NDUFA10: variants seen among roughly 807,000 people sequenced by gnomAD.
NDUFA10 encodes NADH:ubiquinone oxidoreductase subunit A10.
In NDUFA10, 40 loss-of-function variants were observed where a neutral mutation model predicts 47.8. The observed-to-expected ratio is 0.84, with a 90% CI of 0.65 to 1.09. The LOEUF is 1.09. Ranked by LOEUF, NDUFA10 falls within the 50% of genes least tolerant of loss-of-function variation. NDUFA10 has a pLI of 0.00. For missense variants in NDUFA10, 413 were observed against 451.1 expected (o/e 0.92, Z 0.76); for synonymous variants, 183 against 172.2 (o/e 1.06, Z -0.49).
At chr2:239,927,590 G>A (rs1327288931) in intron 4 of NDUFA10, among the ~76,000 whole-genome samples, 3 of 152,222 alleles carry the variant, frequency 2.0e-5, no homozygotes, top group Non-Finnish European at 4.4e-5. Flanking sequence ...CCTGGAGGGG[G>A]CTCAAGGGCA....
At chr2:239,912,453 C>T (rs1350796860) in intron 4 of NDUFA10, among the ~76,000 whole-genome samples, 1 of 152,234 alleles carries the variant, frequency 6.6e-6, no homozygotes. Flanking sequence ...AGAAAAGACA[C>T]ACTTGTACCC....
intron 8 of NDUFA10, among the ~76,000 whole-genome samples, chr2:239,992,376 AAT>A (rs1456859199): frequency 1.3e-5 from 2 of 152,240 alleles, no homozygotes; most frequent in African/African-American, 2.4e-5. Flanking sequence ...TAAAATTGTA[AAT>A]AGTGTTTTAT....
intron 4 of NDUFA10, among the ~76,000 whole-genome samples, chr2:239,914,814 AACACACACATACAT>A (rs1349977973): frequency 4.0e-5 from 6 of 148,646 alleles, no homozygotes; most frequent in Non-Finnish European, 7.4e-5. Flanking sequence ...ACACACACAG[AACACACACATACAT>A]ACACACACAC....
Position 240,024,792 on chromosome 2 carries a change from A to C in NDUFA10, c.75+435T>G, listed in dbSNP as rs1378720668. ...GAGTAGTCAGTCAGAGTAAAGGCAA[A>C]AGGAAGCGGACACAAGCACTGAACT... On this transcript the variant is annotated intron_variant, in intron 1 of 9. Transcript: ENST00000252711. Among the ~76,000 whole-genome samples, 6 of 152,228 alleles carry C rather than the reference A, an allele frequency of 3.9e-5. No individual in the cohort carries two copies. The East Asian group carries it at 1.2e-3, about 29-fold the overall frequency.
At chr2:239,926,208 T>C (rs1210010277) in intron 4 of NDUFA10, among the ~76,000 whole-genome samples, 1 of 152,252 alleles carries the variant, frequency 6.6e-6, no homozygotes, top group Non-Finnish European at 1.5e-5. Context: ...TCATAGCGGC[T>C]TTATTCATAA....
intron 4 of NDUFA10, among the ~76,000 whole-genome samples, chr2:239,927,521 A>G (rs1470536577): frequency 6.6e-6 from 1 of 152,204 alleles, no homozygotes; most frequent in African/African-American, 2.4e-5. Flanking sequence ...CTAACGGTGC[A>G]GTCCTCAGGA....
At chr2:239,908,068 C>T (rs1693687619) in intron 4 of NDUFA10, among the ~76,000 whole-genome samples, 1 of 151,986 alleles carries the variant, frequency 6.6e-6, no homozygotes, top group Non-Finnish European at 1.5e-5. Context: ...TATGCAGCCA[C>T]AAAAAAGGAT....
intron 8 of NDUFA10, among the ~76,000 whole-genome samples, 160 bp downstream of exon 8, chr2:240,005,050 C>G (rs1696890377): frequency 6.6e-6 from 1 of 152,144 alleles, no homozygotes; most frequent in South Asian, 2.1e-4. Flanking sequence ...AGTATCAGAC[C>G]AGGGGATTCA....
rs145769282 is a variant in NDUFA10, at chr2:239,898,168, C to T, written c.295-2854G>A. Among the ~76,000 whole-genome samples, 109 of 152,278 alleles carry T rather than the reference C, an allele frequency of 7.2e-4. No homozygotes were observed. In the Middle Eastern group the frequency reaches 0.01, roughly 14 times the overall value. On this transcript the variant is annotated intron_variant, in intron 4 of 5. Transcript: ENST00000419408. The stretch of plus-strand genomic sequence containing the variant: ...ATGGAGTCAGGACTGTTCAGGGTTA[C>T]GCAGTCATGGGCATTTCTCCTCCAC...
intron 4 of NDUFA10, among the ~76,000 whole-genome samples, chr2:239,921,667 C>T (rs1693985628): frequency 7.4e-6 from 1 of 134,358 alleles, no homozygotes; most frequent in East Asian, 2.4e-4. Flanking sequence ...TACTACAGAG[C>T]ACTGATTGGC....
At chr2:240,011,217 T>C (rs1697124204) in intron 6 of NDUFA10, among the ~76,000 whole-genome samples, 1 of 152,246 alleles carries the variant, frequency 6.6e-6, no homozygotes, top group Admixed American at 6.5e-5. Context: ...CTAGAGAAAG[T>C]GTTATCTTTC....
intron 9 of NDUFA10, among the ~76,000 whole-genome samples, chr2:239,968,004 A>ACACG (rs1695149083): frequency 6.6e-6 from 1 of 151,608 alleles, no homozygotes; most frequent in African/African-American, 2.4e-5. Flanking sequence ...ACACACACAC[A>ACACG]CACACAGTCA....
rs190723301 is a variant in NDUFA10, at chr2:239,935,769, G to T, written c.295-40455C>A. Among the ~76,000 whole-genome samples, 556 of 152,216 alleles carry T rather than the reference G, an allele frequency of 3.7e-3. 5 individuals are homozygous for T. The highest frequency in any genetic ancestry group is 3.2e-3 in the Admixed American group (49 of 15,282). ...TTATAGGGGAAACTCCTTTCTCTTG[G>T]CTCCCATTCTCTTTTGCCTGCCGCC... On this transcript the variant is annotated intron_variant, in intron 4 of 5. Transcript: ENST00000419408.
intron 3 of NDUFA10, among the ~76,000 whole-genome samples, chr2:240,018,937 C>T (rs1434774486): frequency 6.6e-6 from 1 of 151,890 alleles, no homozygotes; most frequent in Non-Finnish European, 1.5e-5. Flanking sequence ...ACAGTGCCCA[C>T]CCCCATCCTG....
Position 240,021,201 on chromosome 2 carries a change from G to A in NDUFA10, c.456C>T (p.Thr152=). 2 of 1,612,948 alleles carry A rather than the reference G, an allele frequency of 1.2e-6. No homozygotes were observed. The highest frequency in any genetic ancestry group is 1.7e-6 in the Non-Finnish European group (2 of 1,178,930). The change falls in exon 3 of 10, where the codon ACC becomes ACT. Residue 152 remains threonine, a synonymous_variant. Transcript: ENST00000252711. Reference sequence around the variant, plus strand: ...AACTGCCCAGAAATACTGCACCTGTGGTCAGCAAGTGCTCCAAGGCATCTG... The same window carrying A: ...AACTGCCCAGAAATACTGCACCTGTAGTCAGCAAGTGCTCCAAGGCATCTG... ...QYSDALEHLL[T]TGQGVVLERS...
intron 2 of NDUFA10, 48 bp from the exon 3 acceptor site, chr2:240,021,460 C>G (rs1164727865): frequency 6.4e-7 from 1 of 1,555,304 alleles, no homozygotes; most frequent in Admixed American, 1.7e-5. Context: ...TCACTCACTC[C>G]CCGCAGGGAG....
chr2:239,963,368 G>A (rs1439182156), intron 9 of NDUFA10, among the ~76,000 whole-genome samples: 2 of 152,218 alleles, frequency 1.3e-5, no homozygotes, highest in Middle Eastern at 3.2e-3. Flanking sequence ...CAACACTGCT[G>A]CTCGAACTAC....
downstream of NDUFA10, among the ~76,000 whole-genome samples, chr2:239,954,118 C>T (rs1694608344): frequency 6.7e-6 from 1 of 148,366 alleles, no homozygotes; most frequent in Admixed American, 6.7e-5. Context: ...GCTGAGTGAC[C>T]ACCCCAGGAC....
intron 9 of NDUFA10, among the ~76,000 whole-genome samples, chr2:239,967,251 G>C (rs1695112392): frequency 6.6e-6 from 1 of 152,190 alleles, no homozygotes; most frequent in African/African-American, 2.4e-5. Context: ...TCAGAGCCTT[G>C]GTTTCTCGTT....
Sources: allele counts gnomAD v4.1 joint callset (sites outside exome capture counted in the v4.1 genomes callset), GRCh38; gene constraint gnomAD v4.1.1; transcripts MANE v1.5; gene names NCBI Gene and HGNC (gene_info 2026-07-23, HGNC 2026-07-21).